Variants in TPX2 observed in about 807,000 individuals in gnomAD.
The protein encoded by TPX2 is TPX2 microtubule nucleation factor, also known as targeting protein for Xklp2.
In TPX2, 21 loss-of-function variants were observed where a neutral mutation model predicts 93.6. The observed-to-expected ratio is 0.22, with a 90% CI of 0.16 to 0.32. The LOEUF (loss-of-function observed/expected upper bound fraction) is 0.32, where lower values mean the gene tolerates loss of function less well. TPX2 is among the 10% of genes least tolerant of loss of function. The pLI is 1.00. For synonymous variants in TPX2, 281 were observed against 298.3 expected (o/e 0.94, Z 0.60); for missense variants, 776 against 871.1 (o/e 0.89, Z 1.37).
chr20:31,801,074 C>T lies in TPX2; in HGVS notation c.2238C>T (p.His746=), dbSNP rs201316545. The T allele has an allele frequency of 6.2e-7, 1 of 1,614,110 alleles. No individual in the cohort carries two copies. The highest frequency in any genetic ancestry group is 1.3e-5 in the African/African-American group (1 of 75,056). ...CTCCCAAATTCTCCACTCGATTCCA[C>T]TGCTAAACTCAGCTGTGAGCTGCGG... is the stretch of plus-strand genomic sequence containing the variant. ...PVSPKFSTRF[H]C The change falls in exon 18 of 18, where the codon CAC becomes CAT. Residue 746 remains histidine (H), a synonymous_variant. Transcript: ENST00000300403.
At chr20:31,791,486 G>A (rs1354953150) in intron 12 of TPX2, among the ~76,000 whole-genome samples, 7 of 152,078 alleles carry the variant, frequency 4.6e-5, no homozygotes, top group African/African-American at 1.2e-4. Context: ...GGGTTTCACC[G>A]TGTTAGCCAG....
At chr20:31,748,078 A>G (rs1006066659) in intron 2 of TPX2, among the ~76,000 whole-genome samples, 2 of 152,034 alleles carry the variant, frequency 1.3e-5, no homozygotes, top group African/African-American at 4.8e-5. Flanking sequence ...TTCTCAATGG[A>G]TATGTATTTA....
intron 2 of TPX2, among the ~76,000 whole-genome samples, chr20:31,742,934 G>A (rs2061761599): frequency 6.6e-6 from 1 of 152,256 alleles, no homozygotes; most frequent in Admixed American, 6.5e-5. Context: ...CTCATATGCG[G>A]CCGGTTACTG....
chr20:31,795,641 C>T (rs2062134164), intron 15 of TPX2, among the ~76,000 whole-genome samples: 6 of 152,224 alleles, frequency 3.9e-5, no homozygotes, highest in Admixed American at 3.9e-4. Context: ...CTTATCTATT[C>T]CATCTATTAG....
chr20:31,798,491 A>C lies in TPX2; in HGVS notation c.2072A>C (p.Glu691Ala). ...VEAQKAQQLE[E>A]ARLQEEEQKK... ...GCCCAGAAAGCCCAGCAGTTGGAGG[A>C]GGCCAGACTACAGGAGGAAGAGCAG... is the stretch of plus-strand genomic sequence containing the variant. The change falls in exon 17 of 18, where the codon GAG becomes GCG. Residue 691 changes from glutamate (E) to alanine (A), a missense_variant. Transcript: ENST00000300403. 1.2e-6 allele frequency: 2 copies of C among 1,613,596 alleles called. No homozygotes were observed. The highest frequency in any genetic ancestry group is 1.7e-6 in the Non-Finnish European group (2 of 1,179,986).
intron 12 of TPX2, among the ~76,000 whole-genome samples, chr20:31,786,054 A>G (rs955301365): frequency 6.6e-6 from 1 of 152,226 alleles, no homozygotes; most frequent in Non-Finnish European, 1.5e-5. Context: ...TATAATGCTT[A>G]TTACATGCCA....
At chr20:31,778,777 G>A (rs370427197) in intron 9 of TPX2, 36 bp from the exon 10 acceptor site, 1 of 1,516,592 alleles carries the variant, frequency 6.6e-7, no homozygotes, top group Non-Finnish European at 8.8e-7. Context: ...GCTCTTCCGT[G>A]ACATTTCATT....
chr20:31,771,068 A>G (rs6089066), intron 6 of TPX2, among the ~76,000 whole-genome samples: 3 of 152,168 alleles, frequency 2.0e-5, no homozygotes, highest in Non-Finnish European at 4.4e-5. Context: ...GGCAGCATCT[A>G]TATCAGGAAA....
chr20:31,796,792 C>G (rs1003963326), intron 15 of TPX2, among the ~76,000 whole-genome samples: 3 of 150,210 alleles, frequency 2.0e-5, no homozygotes, highest in Non-Finnish European at 4.4e-5. Context: ...CAGAAAATGT[C>G]TAGTTGTTTA....
At chr20:31,793,805 G>A (rs1484691718) in intron 13 of TPX2, 43 bp from the exon 14 acceptor site, 1 of 1,494,706 alleles carries the variant, frequency 6.7e-7, no homozygotes, top group Non-Finnish European at 9.0e-7. Context: ...GGAAGTTGGA[G>A]AGAGTGAGGA....
At chr20:31,746,633 T>G (rs913095481) in intron 2 of TPX2, among the ~76,000 whole-genome samples, 4 of 152,142 alleles carry the variant, frequency 2.6e-5, no homozygotes, top group African/African-American at 9.7e-5. Flanking sequence ...CACACCAAAG[T>G]CTTTGTTTTG....
chr20:31,778,434 G>A (rs1441683745), intron 9 of TPX2, among the ~76,000 whole-genome samples: 1 of 152,106 alleles, frequency 6.6e-6, no homozygotes, highest in East Asian at 1.9e-4. Flanking sequence ...CTGACCTGAT[G>A]CATACCCAGA....
intron 4 of TPX2, among the ~76,000 whole-genome samples, chr20:31,761,712 A>G (rs2061892133): frequency 6.6e-6 from 1 of 152,188 alleles, no homozygotes; most frequent in African/African-American, 2.4e-5. Flanking sequence ...TAATAAACAT[A>G]GGAGTGCACA....
At chr20:31,766,826 T>C in intron 5 of TPX2, 144 bp downstream of exon 5, 4 of 884,990 alleles carry the variant, frequency 4.5e-6, no homozygotes, top group Non-Finnish European at 6.0e-6. Context: ...TGAGACGGAG[T>C]GTTTCGCTCT....
chr20:31,759,331 ACT>A (rs758426559), intron 3 of TPX2, among the ~76,000 whole-genome samples: 1 of 149,368 alleles, frequency 6.7e-6, no homozygotes, highest in African/African-American at 2.5e-5. Flanking sequence ...TGAGGAGGAA[ACT>A]CTGTAAGACT....
At chr20:31,770,200 A>G (rs768619872) in intron 5 of TPX2, 143 bp from the exon 6 acceptor site, 2 of 459,760 alleles carry the variant, frequency 4.4e-6, no homozygotes, top group African/African-American at 4.1e-5. Context: ...TATCAACAAG[A>G]GAGATTAGAT....
At chr20:31,752,506 T>TA (rs2061825905) in intron 2 of TPX2, among the ~76,000 whole-genome samples, 1 of 152,216 alleles carries the variant, frequency 6.6e-6, no homozygotes, top group African/African-American at 2.4e-5. Context: ...TCTCTATACT[T>TA]AGAGTTCATA....
At chr20:31,776,188 C>T (rs1452943226) in intron 8 of TPX2, among the ~76,000 whole-genome samples, 200 bp downstream of exon 8, 1 of 149,566 alleles carries the variant, frequency 6.7e-6, no homozygotes, top group African/African-American at 2.4e-5. Flanking sequence ...TCACGCCATT[C>T]TCCTGCCTCA....
At chr20:31,794,308 C>T in intron 14 of TPX2, 94 bp from the exon 15 acceptor site, 2 of 1,492,036 alleles carry the variant, frequency 1.3e-6, no homozygotes, top group Non-Finnish European at 1.8e-6. Context: ...GAAAGGTTTC[C>T]TTCCTTATTT....
Sources: gnomAD v4.1 joint callset for allele counts (sites outside exome capture counted in the v4.1 genomes callset) on GRCh38, gnomAD v4.1.1 for gene constraint, MANE v1.5 for transcripts, NCBI Gene and HGNC (gene_info 2026-07-23, HGNC 2026-07-21) for gene names.